FHIT: variants seen among roughly 807,000 people sequenced by gnomAD.
FHIT encodes the protein fragile histidine triad diadenosine triphosphatase.
A neutral mutation model predicts 17.9 loss-of-function variants in FHIT; 19 were observed. The observed-to-expected ratio is 1.06, with a 90% CI of 0.74 to 1.56. The LOEUF (loss-of-function observed/expected upper bound fraction) is 1.56, where lower values mean the gene tolerates loss of function less well. FHIT is among the 40% of genes most tolerant of loss of function. The pLI, the probability that FHIT is intolerant of heterozygous loss-of-function variation, is 0.00. For missense variants in FHIT, 248 were observed against 189.2 expected (o/e 1.31, Z -1.82); for synonymous variants, 81 against 69.7 (o/e 1.16, Z -0.81).
intron 4 of FHIT, among the ~76,000 whole-genome samples, chr3:60,699,537 A>G (rs2041190648): frequency 6.6e-6 from 1 of 152,162 alleles, no homozygotes; most frequent in South Asian, 2.1e-4. Flanking sequence ...TACGTTTCAA[A>G]TGGTAATTTG....
chr3:60,494,585 C>T (rs1173842019), intron 5 of FHIT, among the ~76,000 whole-genome samples: 1 of 152,068 alleles, frequency 6.6e-6, no homozygotes, highest in East Asian at 1.9e-4. Context: ...TTTTTTTGTA[C>T]TCATTAACCA....
chr3:61,145,233 C>T (rs1361288507), intron 2 of FHIT, among the ~76,000 whole-genome samples: 2 of 152,026 alleles, frequency 1.3e-5, no homozygotes, highest in Admixed American at 1.3e-4. Flanking sequence ...GGTACAAGTC[C>T]TAATTCATTC....
intron 5 of FHIT, among the ~76,000 whole-genome samples, chr3:60,211,931 C>T (rs1213267319): frequency 6.6e-6 from 1 of 152,132 alleles, no homozygotes; most frequent in African/African-American, 2.4e-5. Flanking sequence ...TATTAAAGTA[C>T]ATTTACATGC....
chr3:59,942,782 T>A (rs1872531), intron 7 of FHIT, among the ~76,000 whole-genome samples: 2 of 151,998 alleles, frequency 1.3e-5, no homozygotes, highest in Non-Finnish European at 2.9e-5. Flanking sequence ...CCAAAAAGCT[T>A]GGACTACAGG....
intron 3 of FHIT, among the ~76,000 whole-genome samples, chr3:60,962,855 A>G (rs1709530398): frequency 6.6e-6 from 1 of 152,192 alleles, no homozygotes; most frequent in Non-Finnish European, 1.5e-5. Context: ...GGATTTTTGC[A>G]TCGATGTTCA....
chr3:59,934,658 C>T (rs1241991820), intron 7 of FHIT, among the ~76,000 whole-genome samples: 1 of 152,120 alleles, frequency 6.6e-6, no homozygotes, highest in East Asian at 1.9e-4. Context: ...TTCCACCTGG[C>T]TAGGGAGGCC....
At chr3:60,766,932 A>G (rs1027953775) in intron 4 of FHIT, among the ~76,000 whole-genome samples, 1 of 152,266 alleles carries the variant, frequency 6.6e-6, no homozygotes, top group Admixed American at 6.5e-5. Context: ...TAATCCATGG[A>G]CCAAATACCT....
intron 5 of FHIT, among the ~76,000 whole-genome samples, chr3:60,022,970 G>A (rs1215249345): frequency 6.6e-6 from 1 of 152,132 alleles, no homozygotes; most frequent in Non-Finnish European, 1.5e-5. Flanking sequence ...AGATAATTCT[G>A]GTTAGGAGAG....
chr3:60,689,185 C>T (rs2040930155), intron 4 of FHIT, among the ~76,000 whole-genome samples: 1 of 152,144 alleles, frequency 6.6e-6, no homozygotes, highest in Non-Finnish European at 1.5e-5. Context: ...CTTGCTCCTC[C>T]TTGCCTTTCA....
intron 5 of FHIT, among the ~76,000 whole-genome samples, chr3:60,325,726 C>G (rs1709660888): frequency 6.6e-6 from 1 of 152,190 alleles, no homozygotes; most frequent in South Asian, 2.1e-4. Flanking sequence ...CAGAGTCAAA[C>G]TACAATGGAC....
rs372605000 is a variant in FHIT at position 60,884,773 on chromosome 3, A to C, written c.-110-62762T>G. 4.0e-5 allele frequency among the ~76,000 whole-genome samples: 6 copies of C among 151,882 alleles called. No individual in the cohort carries two copies. In the East Asian group the frequency reaches 9.7e-4, roughly 24 times the overall value. On this transcript the variant is annotated intron_variant, in intron 3 of 9. Coordinates refer to ENST00000492590, the MANE Select transcript of FHIT (RefSeq NM_002012.4). Reference sequence around the variant, plus strand: ...TGGCAAGATTCTATCTCTATAAAAAAATTAACTGGCTGTCCTAGCTACTTG... The same window carrying C: ...TGGCAAGATTCTATCTCTATAAAAACATTAACTGGCTGTCCTAGCTACTTG...
chr3:60,533,744 C>T (rs1450286313), intron 5 of FHIT, among the ~76,000 whole-genome samples: 3 of 151,940 alleles, frequency 2.0e-5, no homozygotes, highest in Admixed American at 1.3e-4. Flanking sequence ...AGGGAACAGC[C>T]GGAAAGAAGG....
intron 5 of FHIT, among the ~76,000 whole-genome samples, chr3:60,117,492 T>A (rs1044850373): frequency 3.3e-5 from 3 of 91,814 alleles, no homozygotes. Context: ...TTACTTCCTA[T>A]CTAAAAAAAA....
At chr3:61,208,577 T>A (rs2039337088) in intron 1 of FHIT, among the ~76,000 whole-genome samples, 3 of 152,106 alleles carry the variant, frequency 2.0e-5, no homozygotes, top group Admixed American at 2.0e-4. Flanking sequence ...AATGGCCTTC[T>A]TTGTCTCTTT....
At chr3:60,791,865 G>A (rs1553728605) in intron 4 of FHIT, among the ~76,000 whole-genome samples, 4 of 152,194 alleles carry the variant, frequency 2.6e-5, no homozygotes, top group African/African-American at 9.7e-5. Context: ...TATCAGTAAT[G>A]GACAGTGTCC....
intron 8 of FHIT, among the ~76,000 whole-genome samples, chr3:59,909,473 G>A (rs1374887285): frequency 6.6e-6 from 1 of 152,112 alleles, no homozygotes; most frequent in Non-Finnish European, 1.5e-5. Context: ...GCGATTATGG[G>A]CACGCACCAC....
chr3:60,597,951 A>G (rs1018047269), intron 4 of FHIT, among the ~76,000 whole-genome samples: 1 of 152,132 alleles, frequency 6.6e-6, no homozygotes, highest in Admixed American at 6.6e-5. Context: ...AGAGATACCA[A>G]ATAAAAGAAT....
chr3:60,552,497 G>T (rs973896289), intron 4 of FHIT, among the ~76,000 whole-genome samples: 2 of 152,150 alleles, frequency 1.3e-5, no homozygotes, highest in African/African-American at 4.8e-5. Flanking sequence ...CCCACTCCCA[G>T]ATATTTTAAA....
At chr3:60,054,063 G>T (rs1376177908) in intron 5 of FHIT, among the ~76,000 whole-genome samples, 1 of 152,104 alleles carries the variant, frequency 6.6e-6, no homozygotes, top group Non-Finnish European at 1.5e-5. Context: ...TAATAATTTT[G>T]CTCAATCATC....
Sources: allele counts gnomAD v4.1 joint callset (sites outside exome capture counted in the v4.1 genomes callset), GRCh38; gene constraint gnomAD v4.1.1; transcripts MANE v1.5; gene names NCBI Gene and HGNC (gene_info 2026-07-23, HGNC 2026-07-21).